The following WFIKKN1 variants were observed in gnomAD, a reference collection of about 807,000 sequenced individuals.
WFIKKN1 encodes the protein WAP, Kazal, immunoglobulin, Kunitz and NTR domain-containing protein 1.
A neutral mutation model predicts 4.6 loss-of-function variants in WFIKKN1; 6 were observed. That is an observed-to-expected ratio of 1.31 (90% CI 0.72 to 2.59). The LOEUF (loss-of-function observed/expected upper bound fraction) is 2.59, where lower values mean the gene tolerates loss of function less well. Ranked by LOEUF, WFIKKN1 falls within the 30% of genes most tolerant of loss-of-function variation. The pLI is 0.00. For synonymous variants in WFIKKN1, 468 were observed against 367.4 expected (o/e 1.27, Z -3.13); for missense variants, 964 against 818.0 (o/e 1.18, Z -2.18).
Position 633,537 on chromosome 16 carries a change from C to A in WFIKKN1, c.1127C>A (p.Ala376Asp). 6.6e-7 allele frequency: 1 copy of A among 1,525,806 alleles called. No individual in the cohort carries two copies. The highest frequency in any genetic ancestry group is 8.7e-7 in the Non-Finnish European group (1 of 1,145,424). 94.5% of individuals were successfully genotyped at this position (1,525,806 alleles called of 1,614,324 possible). ...TGCCGGGGCTGGGAGCCGCGCTGGG[C>A]CTACAGCCCGCTGCTGCAGCAGTGC... ...GPCRGWEPRW[A>D]YSPLLQQCHP... is the part of the protein sequence containing the mutation. Residue 376 changes from alanine to aspartate, a missense_variant, in exon 2 of 2, where the codon GCC (alanine) becomes GAC (aspartate). Physicochemically the swap from Ala to Asp is moderately radical, Grantham distance 126. Transcript: ENST00000319070.
chr16:632,554 C>T, intron 1 of WFIKKN1, 28 bp from the exon 2 acceptor site: 1 of 1,476,082 alleles, frequency 6.8e-7, no homozygotes, highest in South Asian at 1.4e-5. Context: ...GGCATTGGGG[C>T]TCCCACCTAA....
Position 633,907 on chromosome 16 carries a change from G to A in WFIKKN1, c.1497G>A (p.Gly499=). 3 of 1,592,972 alleles carry A rather than the reference G, an allele frequency of 1.9e-6. No individual in the cohort carries two copies. The East Asian group carries it at 6.9e-5, about 37-fold the overall frequency. ...GCCCCAACATGACGGCGGGCGACGG[G>A]CCGCTGGTCATCATGGGTGAGGTGC... ...CPCPNMTAGD[G]PLVIMGEVRD... The change falls in exon 2 of 2, where the codon GGG becomes GGA. Residue 499 remains glycine (G), a synonymous_variant. Transcript: ENST00000319070.
Position 633,205 on chromosome 16 carries a change from G to C in WFIKKN1, c.795G>C (p.Ala265=). The C allele has an allele frequency of 1.3e-6, 2 of 1,590,804 alleles. No individual in the cohort carries two copies. The highest frequency in any genetic ancestry group is 1.7e-6 in the Non-Finnish European group (2 of 1,168,350). Residue 265 remains alanine (A), a synonymous_variant, in exon 2 of 2, where the codon GCG becomes GCC. Coordinates refer to ENST00000319070, the MANE Select transcript of WFIKKN1 (RefSeq NM_053284.3). ...PEDAGLYTCT[A]RNAAGLLRAD... ...ACGCCGGCCTGTACACCTGCACCGC[G>C]CGCAACGCTGCTGGGCTGCTGCGGG...
chr16:632,435 G>A, intron 1 of WFIKKN1, 147 bp from the exon 2 acceptor site: 1 of 1,050,738 alleles, frequency 9.5e-7, no homozygotes, highest in East Asian at 3.1e-5. Context: ...CCTCACACAG[G>A]ATGGAAAGGA....
rs761476941 is a variant in WFIKKN1 at position 633,971 on chromosome 16, C to T, written c.1561C>T (p.Arg521Cys). ...VAVLDAGSYV[R>C]AASEKRVKKI... ...CGTGCTGGACGCCGGCAGCTACGTCCGCGCCGCCAGCGAGAAGCGCGTCAA... is the reference window on the plus strand; with the variant it reads ...CGTGCTGGACGCCGGCAGCTACGTCTGCGCCGCCAGCGAGAAGCGCGTCAA... Residue 521 changes from arginine to cysteine, a missense_variant, in exon 2 of 2, where the codon CGC (arginine) becomes TGC (cysteine). Transcript: ENST00000319070. The T allele has an allele frequency of 1.4e-5, 22 of 1,598,402 alleles. No individual in the cohort carries two copies. Among genetic ancestry groups the T allele is most frequent in the East Asian group, 2.3e-5 (1 of 43,788 alleles).
Position 631,428 on chromosome 16 carries a change from A to T in WFIKKN1, c.171+4A>T, listed in dbSNP as rs1399559373. On this transcript the variant is annotated splice_donor_region_variant and intron_variant, in intron 1 of 1. Coordinates refer to ENST00000319070, the MANE Select transcript of WFIKKN1 (RefSeq NM_053284.3). Reference sequence around the variant, plus strand: ...GCGCGAGTGTAGCAGGGACCAGGTGAGTGTGGTCGGGCCGGGGTCCTGGGG... The same window carrying T: ...GCGCGAGTGTAGCAGGGACCAGGTGTGTGTGGTCGGGCCGGGGTCCTGGGG... 1.2e-6 allele frequency: 2 copies of T among 1,603,064 alleles called. No homozygotes were observed. The highest frequency in any genetic ancestry group is 1.7e-6 in the Non-Finnish European group (2 of 1,177,070).
Position 633,762 on chromosome 16 carries a change from CCGG to C in WFIKKN1, c.1357_1359del (p.Gly453del). 6.3e-7 allele frequency: 1 copy of C among 1,596,240 alleles called. No individual in the cohort carries two copies. Among genetic ancestry groups the C allele is most frequent in the Non-Finnish European group, 8.5e-7 (1 of 1,172,210 alleles). ...GAGGTGCTGGAGGAGCCCGAGGCCGCCGGCGGCATCGCCCGCGTGGCGCTCGAG... is the reference window on the plus strand; with the variant it reads ...GAGGTGCTGGAGGAGCCCGAGGCCGCCGGCATCGCCCGCGTGGCGCTCGAG... On this transcript the variant is annotated inframe_deletion, in exon 2 of 2. Coordinates refer to ENST00000319070, the MANE Select transcript of WFIKKN1 (RefSeq NM_053284.3).
At chr16:632,445 A>G in intron 1 of WFIKKN1, 137 bp from the exon 2 acceptor site, 1 of 1,148,646 alleles carries the variant, frequency 8.7e-7, no homozygotes. Context: ...GATGGAAAGG[A>G]CACTGAGTCC....
At position 631,178 on chromosome 16, in the gene WFIKKN1, G is replaced by A; in HGVS notation, c.-76G>A. ...CCACAGGCCCGGAGGGTGGATGCCT[G>A]CAGGAAGCTGGGCTCTGTGGAGCCC... is the stretch of plus-strand genomic sequence containing the variant. On this transcript the variant is annotated 5_prime_UTR_variant, in exon 1 of 2. Coordinates refer to ENST00000319070, the MANE Select transcript of WFIKKN1 (RefSeq NM_053284.3). The A allele has an allele frequency of 2.0e-6, 3 of 1,464,502 alleles. No homozygotes were observed. The highest frequency in any genetic ancestry group is 2.7e-6 in the Non-Finnish European group (3 of 1,107,484). The allele number at this position is 1,464,502 out of a possible 1,614,324, so 90.7% of individuals were successfully genotyped here. A position where few individuals can be genotyped will look rare whatever the true frequency, so the allele number is the denominator to read the frequency against.
rs749086535 is a variant in WFIKKN1, at chr16:633,163, C to A, written c.753C>A (p.Tyr251Ter). ...CCAGCATCGGGCAGCTGGTGCTCTA[C>A]AACGCGCGGCCCGAAGACGCCGGCC... is the stretch of plus-strand genomic sequence containing the variant. ...VVTSIGQLVL[Y>*]NARPEDAGLY... The change falls in exon 2 of 2, where the codon TAC becomes TAA. Residue 251 changes from tyrosine to a stop codon, truncating the protein, a stop_gained. Coordinates refer to ENST00000319070, the MANE Select transcript of WFIKKN1 (RefSeq NM_053284.3). LOFTEE classifies it low-confidence loss of function (END_TRUNC). The A allele has an allele frequency of 3.7e-6, 6 of 1,600,482 alleles. No homozygotes were observed. The highest frequency in any genetic ancestry group is 5.1e-6 in the Non-Finnish European group (6 of 1,171,690).
intron 1 of WFIKKN1, 162 bp from the exon 2 acceptor site, chr16:632,420 T>C (rs1222407358): frequency 2.4e-6 from 2 of 831,478 alleles, no homozygotes; most frequent in Admixed American, 3.9e-5. Context: ...TCTGGCGAGG[T>C]GGCTCCTCAC....
At position 631,113 on chromosome 16, in the gene WFIKKN1, G is replaced by C; in HGVS notation, c.-141G>C. ...GCATCTGCTGCAGGCTTCAGCCTCA[G>C]GGGCAAAAGGGAGCCCCGGGGTCCT... On this transcript the variant is annotated 5_prime_UTR_variant, in exon 1 of 2. Transcript: ENST00000319070. 1 of 997,592 alleles carries C rather than the reference G, an allele frequency of 1.0e-6. No homozygotes were observed. The highest frequency in any genetic ancestry group is 1.7e-5 in the South Asian group (1 of 57,924). 61.8% of individuals were successfully genotyped at this position (997,592 alleles called of 1,614,324 possible). A position where few individuals can be genotyped will look rare whatever the true frequency, so the allele number is the denominator to read the frequency against.
In WFIKKN1 at chr16:634,045, C is replaced by T. The variant is rs1161906392; in HGVS notation, c.1635C>T (p.Arg545=). ...AGCAGGCCTGCGAGCTGCTCAACCG[C>T]TTCCAGGACTAGCCCCCGCAGGGGC... ...LEKQACELLN[R]FQD The change falls in exon 2 of 2, where the codon CGC becomes CGT. Residue 545 remains arginine, a synonymous_variant. Transcript: ENST00000319070. 5.1e-6 allele frequency: 8 copies of T among 1,580,888 alleles called. No homozygotes were observed. In the Admixed American group the frequency reaches 1.2e-4, roughly 24 times the overall value.
chr16:633,500 G>C lies in WFIKKN1; in HGVS notation c.1090G>C (p.Val364Leu). 1 of 1,511,992 alleles carries C rather than the reference G, an allele frequency of 6.6e-7. No homozygotes were observed. The highest frequency in any genetic ancestry group is 8.8e-7 in the Non-Finnish European group (1 of 1,139,782). The allele number at this position is 1,511,992 out of a possible 1,614,324, so 93.7% of individuals were successfully genotyped here. A position where few individuals can be genotyped will look rare whatever the true frequency, so the allele number is the denominator to read the frequency against. ...GPGDACVLPA[V>L]QGPCRGWEPR... is the part of the protein sequence containing the mutation. ...CGGCGACGCCTGCGTGCTGCCTGCC[G>C]TGCAGGGCCCCTGCCGGGGCTGGGA... Residue 364 changes from valine to leucine, a missense_variant, in exon 2 of 2, where the codon GTG becomes CTG. Val to Leu is a conservative substitution (Grantham distance 32). Coordinates refer to ENST00000319070, the MANE Select transcript of WFIKKN1 (RefSeq NM_053284.3).
In WFIKKN1 at chr16:631,276, T is replaced by C. The variant is rs766998885; in HGVS notation, c.23T>C (p.Leu8Pro). The C allele has an allele frequency of 1.3e-6, 2 of 1,582,376 alleles. No individual in the cohort carries two copies. Among genetic ancestry groups the C allele is most frequent in the South Asian group, 1.1e-5 (1 of 88,708 alleles). The change falls in exon 1 of 2, where the codon CTG (leucine) becomes CCG (proline). Residue 8 changes from leucine (L) to proline (P), a missense_variant. Leu to Pro is a moderately conservative substitution (Grantham distance 98, BLOSUM62 -3). Transcript: ENST00000319070. MPALRPLLPLLLLLRLTS... is the reference protein window; with the variant it reads MPALRPLPPLLLLLRLTS... ...CTCATGCCCGCCCTACGTCCACTCC[T>C]GCCGCTCCTGCTCCTCCTCCGGCTG...
At position 634,082 on chromosome 16, in the gene WFIKKN1, C is replaced by A. The variant is rs772259069; in HGVS notation, c.*25C>A. The A allele has an allele frequency of 5.9e-6, 9 of 1,517,722 alleles. No homozygotes were observed. The African/African-American group carries it at 1.1e-4, about 19-fold the overall frequency. The allele number at this position is 1,517,722 out of a possible 1,614,324, so 94.0% of individuals were successfully genotyped here. On this transcript the variant is annotated 3_prime_UTR_variant, in exon 2 of 2. Coordinates refer to ENST00000319070, the MANE Select transcript of WFIKKN1 (RefSeq NM_053284.3). ...GCCCCCGCAGGGGCCTGCGCCACCC[C>A]GTCCTGGTGAATAAACGCACTCCCT...
Position 633,828 on chromosome 16 carries a change from TGGGCACCAAGTACCTGGA to T in WFIKKN1, c.1421_1438del (p.Gly474_Glu479del). 1 of 1,602,572 alleles carries T rather than the reference TGGGCACCAAGTACCTGGA, an allele frequency of 6.2e-7. No individual in the cohort carries two copies. Among genetic ancestry groups the T allele is most frequent in the Non-Finnish European group, 8.5e-7 (1 of 1,175,136 alleles). On this transcript the variant is annotated inframe_deletion, in exon 2 of 2. Coordinates refer to ENST00000319070, the MANE Select transcript of WFIKKN1 (RefSeq NM_053284.3). Reference sequence around the variant, plus strand: ...GATGACAAGATGGGCCTCAAGTTCTTGGGCACCAAGTACCTGGAGGTGACGCTGAGTGGCATGGACTGG... The same window carrying T: ...GATGACAAGATGGGCCTCAAGTTCTTGGTGACGCTGAGTGGCATGGACTGG...
At position 633,583 on chromosome 16, in the gene WFIKKN1, C is replaced by T. The variant is rs2036983307; in HGVS notation, c.1173C>T (p.Gly391=). The change falls in exon 2 of 2, where the codon GGC becomes GGT. Residue 391 remains glycine (G), a synonymous_variant. Coordinates refer to ENST00000319070, the MANE Select transcript of WFIKKN1 (RefSeq NM_053284.3). ...LQQCHPFVYG[G]CEGNGNNFHS... is the part of the protein sequence containing the mutation. ...AGTGCCATCCCTTCGTGTACGGTGG[C>T]TGCGAGGGCAACGGCAACAACTTCC... 1 of 1,568,954 alleles carries T rather than the reference C, an allele frequency of 6.4e-7. No homozygotes were observed. The highest frequency in any genetic ancestry group is 8.6e-7 in the Non-Finnish European group (1 of 1,164,360).
In WFIKKN1 at chr16:632,539, C is replaced by A. The variant is rs374769778; in HGVS notation, c.172-43C>A. 9.6e-6 allele frequency: 14 copies of A among 1,457,406 alleles called. No homozygotes were observed. The South Asian group carries it at 1.6e-4, about 17-fold the overall frequency. 90.3% of individuals were successfully genotyped at this position (1,457,406 alleles called of 1,614,324 possible). A position where few individuals can be genotyped will look rare whatever the true frequency, so the allele number is the denominator to read the frequency against. ...CAGGGGCCAGGCCAGAGCCCCGGGG[C>A]GGGGGGCATTGGGGCTCCCACCTAA... On this transcript the variant is annotated intron_variant, in intron 1 of 1. Transcript: ENST00000319070.
Sources: allele counts gnomAD v4.1 joint callset, GRCh38; gene constraint gnomAD v4.1.1; transcripts MANE v1.5; gene names NCBI Gene and HGNC (gene_info 2026-07-23, HGNC 2026-07-21).